Variants in RIF1 observed in about 807,000 individuals in gnomAD.
RIF1 encodes the protein replication timing regulatory factor 1.
Under a neutral mutation model 247.1 loss-of-function variants are expected in RIF1, and 45 were observed. The observed-to-expected ratio is 0.18, with a 90% CI of 0.14 to 0.23. RIF1 has a LOEUF of 0.23. Ranked by LOEUF, RIF1 falls within the 10% of genes least tolerant of loss-of-function variation. The pLI, the probability that RIF1 is intolerant of heterozygous loss-of-function variation, is 1.00. For missense variants in RIF1, 2,967 were observed against 2,862.5 expected (o/e 1.04, Z -0.83); for synonymous variants, 1,087 against 978.8 (o/e 1.11, Z -2.06).
chr2:151,512,883 C>CAACA (rs142314464), downstream of RIF1: 27,311 of 1,328,656 alleles, frequency 0.021, 421 homozygotes, highest in African/African-American at 0.053. Context: ...GCAATGTGCA[C>CAACA]AACAGTTGTT....
chr2:151,467,901 C>T lies in RIF1; in HGVS notation c.6601-99C>T, dbSNP rs1319172381. The T allele has an allele frequency of 6.8e-6, 8 of 1,180,824 alleles. No homozygotes were observed. The Admixed American group carries it at 1.7e-4, about 25-fold the overall frequency. 73.1% of individuals were successfully genotyped at this position (1,180,824 alleles called of 1,614,324 possible). On this transcript the variant is annotated intron_variant, in intron 30 of 35. Coordinates refer to ENST00000444746, the MANE Select transcript of RIF1 (RefSeq NM_018151.5). Reference sequence around the variant, plus strand: ...CTTCTGGTGAAATAAATTTTCTAAACCCACATTCTATTTTTGGGTAACCTC... The same window carrying T: ...CTTCTGGTGAAATAAATTTTCTAAATCCACATTCTATTTTTGGGTAACCTC...
chr2:151,510,807 G>A (rs534467862), downstream of RIF1, among the ~76,000 whole-genome samples: 8 of 152,256 alleles, frequency 5.3e-5, no homozygotes, highest in Admixed American at 1.3e-4. Context: ...TATCCCCCTC[G>A]GATAAGAGGA....
intron 21 of RIF1, among the ~76,000 whole-genome samples, chr2:151,454,381 G>A (rs534475607): frequency 6.6e-6 from 1 of 152,220 alleles, no homozygotes; most frequent in African/African-American, 2.4e-5. Flanking sequence ...GGAAATAGTA[G>A]ACTTACTGCA....
At position 151,473,641 on chromosome 2, in the gene RIF1, G is replaced by T. The variant is rs915277552; in HGVS notation, c.7096-323G>T. On this transcript the variant is annotated intron_variant, in intron 34 of 35. Coordinates refer to ENST00000444746, the MANE Select transcript of RIF1 (RefSeq NM_018151.5). ...TTTTATTTAAGCTTGGAAATCTCTG[G>T]TATAGACTTTTTTATACCACATTCT... Among the ~76,000 whole-genome samples, 8 of 152,018 alleles carry T rather than the reference G, an allele frequency of 5.3e-5. No homozygotes were observed. In the East Asian group the frequency reaches 1.5e-3, roughly 29 times the overall value.
In RIF1 at chr2:151,468,507, C is replaced by T; in HGVS notation, c.6781C>T (p.Pro2261Ser). Residue 2261 changes from proline to serine, a missense_variant, in exon 32 of 36, where the codon CCA becomes TCA. Physicochemically the swap from Pro to Ser is moderately conservative, Grantham distance 74. Coordinates refer to ENST00000444746, the MANE Select transcript of RIF1 (RefSeq NM_018151.5). The stretch of plus-strand genomic sequence containing the variant: ...CACTTCAGCCAAAGGATTTCTGTCC[C>T]CAGGATCACGTAGCCCTAAATTTAA... ...NTTSAKGFLSPGSRSPKFKSS... is the reference protein window; with the variant it reads ...NTTSAKGFLSSGSRSPKFKSS... 6.2e-7 allele frequency: 1 copy of T among 1,613,636 alleles called. No homozygotes were observed. The highest frequency in any genetic ancestry group is 8.5e-7 in the Non-Finnish European group (1 of 1,179,672).
chr2:151,410,665 T>C (rs755643969), intron 2 of RIF1, 138 bp downstream of exon 2: 2 of 708,564 alleles, frequency 2.8e-6, no homozygotes, highest in Non-Finnish European at 4.8e-6. Flanking sequence ...CGCGGACGCC[T>C]TGGGGGGCGG....
chr2:151,488,497 A>AG (rs1253412059), intron 9 of RIF1, among the ~76,000 whole-genome samples: 1 of 151,168 alleles, frequency 6.6e-6, no homozygotes, highest in Non-Finnish European at 1.5e-5. Context: ...AAAAAAAAAA[A>AG]TTAGCCTAGA....
At chr2:151,531,392 C>T in the RIF1 span, among the ~76,000 whole-genome samples, 1 of 142,094 alleles carries the variant, frequency 7.0e-6, no homozygotes, top group African/African-American at 2.6e-5. Context: ...TCTTGGTTCA[C>T]TGCAACCTCC....
At chr2:151,533,452 A>C in the RIF1 span, 1 of 1,550,200 alleles carries the variant, frequency 6.5e-7, no homozygotes, top group Non-Finnish European at 8.7e-7. Flanking sequence ...CTGGCTCCAC[A>C]TATGCGAATT....
In RIF1 at chr2:151,443,310, T is replaced by G; in HGVS notation, c.1786T>G (p.Cys596Gly). 6.3e-7 allele frequency: 1 copy of G among 1,599,194 alleles called. No individual in the cohort carries two copies. The highest frequency in any genetic ancestry group is 8.6e-7 in the Non-Finnish European group (1 of 1,167,524). Reference sequence around the variant, plus strand: ...ATTAATTTTCAACAATTTCTTGGAATGTGGTGTATCAGATGAAAGGTAAGT... The same window carrying G: ...ATTAATTTTCAACAATTTCTTGGAAGGTGGTGTATCAGATGAAAGGTAAGT... ...IQLIFNNFLE[C>G]GVSDERFFLS... Residue 596 changes from cysteine (C) to glycine (G), a missense_variant, in exon 17 of 36, where the codon TGT (cysteine) becomes GGT (glycine). By Grantham distance (159) the Cys-to-Gly change is radical. Transcript: ENST00000444746.
chr2:151,499,207 T>C (rs1447012137), intron 10 of RIF1: 6 of 639,608 alleles, frequency 9.4e-6, no homozygotes, highest in Non-Finnish European at 1.5e-5. Flanking sequence ...AATTTTTTAT[T>C]GGGATGAGTT....
rs747045452 is a variant in RIF1 at position 151,507,038 on chromosome 2, G to A, written c.*1027+663G>A. 22 of 1,361,454 alleles carry A rather than the reference G, an allele frequency of 1.6e-5. No homozygotes were observed. In the South Asian group the frequency reaches 2.6e-4, roughly 16 times the overall value. The allele number at this position is 1,361,454 out of a possible 1,614,324, so 84.3% of individuals were successfully genotyped here. A position where few individuals can be genotyped will look rare whatever the true frequency, so the allele number is the denominator to read the frequency against. ...GCTATGAAGAAAGAGTAAACATCTT[G>A]TTAAGATTTCAACATTGCTTTGTTT... is the stretch of plus-strand genomic sequence containing the variant. On this transcript the variant is annotated intron_variant and NMD_transcript_variant, in intron 13 of 13. Coordinates refer to the RIF1 transcript ENST00000454583.
the RIF1 span, chr2:151,531,720 A>G: frequency 8.3e-7 from 1 of 1,203,126 alleles, no homozygotes; most frequent in Non-Finnish European, 1.2e-6. Flanking sequence ...CTTTGTGACA[A>G]TTTAAAATGC....
downstream of RIF1, chr2:151,485,953 A>C: frequency 6.2e-7 from 1 of 1,611,674 alleles, no homozygotes; most frequent in Non-Finnish European, 8.5e-7. Context: ...GGGATGGAAA[A>C]GGGGAAATAT....
In RIF1 at chr2:151,490,534, T is replaced by C. The variant is rs199665245; in HGVS notation, c.*416-4695T>C. The C allele has an allele frequency of 1.7e-5, 27 of 1,605,824 alleles. No individual in the cohort carries two copies. The African/African-American group carries it at 2.5e-4, about 15-fold the overall frequency. On this transcript the variant is annotated intron_variant and NMD_transcript_variant, in intron 9 of 13. Coordinates refer to the RIF1 transcript ENST00000454583. ...TGAGCTTGGACTGGGAGAGATGCAGTTGGGGGAGATGTAGCAAACATGAAA... is the reference window on the plus strand; with the variant it reads ...TGAGCTTGGACTGGGAGAGATGCAGCTGGGGGAGATGTAGCAAACATGAAA...
At position 151,480,556 on chromosome 2, in the gene RIF1, A is replaced by C. The variant is rs2049124722; in HGVS notation, c.*5485A>C. 1 of 152,186 alleles carries C rather than the reference A, an allele frequency of 6.6e-6. No individual in the cohort carries two copies. Among genetic ancestry groups the C allele is most frequent in the African/African-American group, 2.4e-5 (1 of 41,456 alleles). The allele number at this position is 152,186 out of a possible 1,614,324, so 9.4% of individuals were successfully genotyped here. A position where few individuals can be genotyped will look rare whatever the true frequency, so the allele number is the denominator to read the frequency against. ...AATTGATGTTCATAAATACCCTGAGAGATTATGTTAAAATACATTATTAAT... is the reference window on the plus strand; with the variant it reads ...AATTGATGTTCATAAATACCCTGAGCGATTATGTTAAAATACATTATTAAT... On this transcript the variant is annotated 3_prime_UTR_variant, in exon 36 of 36. Transcript: ENST00000444746.
intron 26 of RIF1, among the ~76,000 whole-genome samples, 174 bp from the exon 27 acceptor site, chr2:151,460,964 T>C (rs1249617442): frequency 6.6e-6 from 1 of 152,198 alleles, no homozygotes; most frequent in Non-Finnish European, 1.5e-5. Flanking sequence ...TAGTATTTAT[T>C]AGAGGCAGAA....
intron 21 of RIF1, among the ~76,000 whole-genome samples, chr2:151,452,957 A>AT (rs2152445521): frequency 6.6e-6 from 1 of 152,246 alleles, no homozygotes; most frequent in South Asian, 2.1e-4. Flanking sequence ...TAATGGGGAG[A>AT]TTTTTAAAAG....
chr2:151,464,213 A>G lies in RIF1; in HGVS notation c.4693A>G (p.Arg1565Gly). ...TTCGGAGGCAAAAGAAGAAGGTTCT[A>G]GGAAGAAGAGATCTGGAAAATGGAA... ...DSSEAKEEGS[R>G]KKRSGKWKNK... The change falls in exon 30 of 36, where the codon AGG (arginine) becomes GGG (glycine). Residue 1565 changes from arginine to glycine, a missense_variant. Coordinates refer to ENST00000444746, the MANE Select transcript of RIF1 (RefSeq NM_018151.5). 2 of 1,613,730 alleles carry G rather than the reference A, an allele frequency of 1.2e-6. No homozygotes were observed. Among genetic ancestry groups the G allele is most frequent in the Non-Finnish European group, 1.7e-6 (2 of 1,179,926 alleles).
Sources: gnomAD v4.1 joint callset for allele counts (sites outside exome capture counted in the v4.1 genomes callset) on GRCh38, gnomAD v4.1.1 for gene constraint, MANE v1.5 for transcripts, NCBI Gene and HGNC (gene_info 2026-07-23, HGNC 2026-07-21) for gene names.